The following PGBD2 variants were observed in gnomAD, a reference collection of about 807,000 sequenced individuals.
PGBD2 encodes the protein piggyBac transposable element derived 2, also known as piggyBac transposable element-derived protein 2.
A neutral mutation model predicts 8.1 loss-of-function variants in PGBD2; 6 were observed. The observed-to-expected ratio is 0.74, with a 90% CI of 0.40 to 1.46. The LOEUF (loss-of-function observed/expected upper bound fraction) is 1.46, where lower values mean the gene tolerates loss of function less well. Among genes scored for constraint, PGBD2 ranks in the 40% most tolerant of loss-of-function variants. The probability of loss-of-function intolerance (pLI) is 0.02; values close to 1 mark genes in which losing one functional copy is unlikely to be tolerated. For synonymous variants in PGBD2, 318 were observed against 272.2 expected, an observed-to-expected ratio of 1.17 and a Z score of -1.66; for missense variants, 802 against 739.0, an observed-to-expected ratio of 1.09 and a Z score of -0.99.
At chr1:248,891,004 C>A in the PGBD2 span, among the ~76,000 whole-genome samples, 1 of 151,756 alleles carries the variant, frequency 6.6e-6, no homozygotes, top group African/African-American at 2.4e-5. Context: ...CATTCACCAC[C>A]CACCACACAC....
At chr1:248,878,317 C>A in the PGBD2 span, among the ~76,000 whole-genome samples, 1 of 152,046 alleles carries the variant, frequency 6.6e-6, no homozygotes, top group Non-Finnish European at 1.5e-5. Context: ...GTAGCTGGGA[C>A]TACGGGGCCC....
At chr1:248,905,157 T>C (rs1345592870), upstream of PGBD2, among the ~76,000 whole-genome samples, 12 of 152,214 alleles carry the variant, frequency 7.9e-5, no homozygotes, top group Non-Finnish European at 1.5e-5. Flanking sequence ...ATACGTGCCC[T>C]TCACTTCAGA....
Position 248,906,255 on chromosome 1 carries a change from G to C in PGBD2, c.-135G>C, listed in dbSNP as rs1226093635. ...GTGCCGGACGTTGCGCGGCCGCGAC[G>C]CCCGACGCCAACGCAGGCGCAGCGC... On this transcript the variant is annotated 5_prime_UTR_variant, in exon 1 of 3. Transcript: ENST00000329291. The C allele has an allele frequency of 6.6e-6, 1 of 151,962 alleles. No individual in the cohort carries two copies. Among genetic ancestry groups the C allele is most frequent in the Non-Finnish European group, 1.5e-5 (1 of 68,012 alleles). The allele number at this position is 151,962 out of a possible 1,614,324, so 9.4% of individuals were successfully genotyped here.
intron 2 of PGBD2, 128 bp from the exon 3 acceptor site, chr1:248,916,474 C>G: frequency 1.4e-6 from 1 of 720,914 alleles, no homozygotes. Flanking sequence ...AATGCGGTGC[C>G]TTGTGATGCC....
chr1:248,922,216 T>C (rs11205397), downstream of PGBD2, among the ~76,000 whole-genome samples: 17,627 of 151,982 alleles, frequency 0.12, 2,228 homozygotes, highest in African/African-American at 0.32. Flanking sequence ...CCCGCCACCA[T>C]GCCCAGCTAG....
chr1:248,891,122 T>C, the PGBD2 span, among the ~76,000 whole-genome samples: 1 of 152,238 alleles, frequency 6.6e-6, no homozygotes, highest in African/African-American at 2.4e-5. Context: ...GAAAAAAAGT[T>C]ATGCAAACAA....
rs1351533895 is a variant in PGBD2 at position 248,906,258 on chromosome 1, C to G, written c.-132C>G. 2 of 151,310 alleles carry G rather than the reference C, an allele frequency of 1.3e-5. No individual in the cohort carries two copies. Among genetic ancestry groups the G allele is most frequent in the Non-Finnish European group, 2.9e-5 (2 of 67,906 alleles). 9.4% of individuals were successfully genotyped at this position (151,310 alleles called of 1,614,324 possible). A position where few individuals can be genotyped will look rare whatever the true frequency, so the allele number is the denominator to read the frequency against. ...CCGGACGTTGCGCGGCCGCGACGCC[C>G]GACGCCAACGCAGGCGCAGCGCTCC... On this transcript the variant is annotated 5_prime_UTR_variant, in exon 1 of 3. Coordinates refer to ENST00000329291, the MANE Select transcript of PGBD2 (RefSeq NM_170725.3).
chr1:248,883,588 T>TC, the PGBD2 span, among the ~76,000 whole-genome samples: 71 of 134,340 alleles, frequency 5.3e-4, no homozygotes, highest in African/African-American at 1.9e-3. Flanking sequence ...TTTTTTCTTT[T>TC]TTTTTTTTTT....
chr1:248,897,315 C>G, the PGBD2 span, among the ~76,000 whole-genome samples: 1 of 140,792 alleles, frequency 7.1e-6, no homozygotes, highest in South Asian at 2.1e-4. Flanking sequence ...TGTGAGGTCC[C>G]GTGCCAGCCG....
rs1362907209 is a variant in PGBD2, at chr1:248,917,763, GAA to G, written c.1180_1181del (p.Lys394GlufsTer5). ...LKDPKELKKM[K>X]RGSFDYKVDE... ...AAGACCCCAAAGAACTGAAAAAAAT[GAA>G]GAGGGGTTCATTTGATTACAAAGTC... On this transcript the variant is annotated frameshift_variant, in exon 3 of 3. Coordinates refer to ENST00000329291, the MANE Select transcript of PGBD2 (RefSeq NM_170725.3). LOFTEE classifies it low-confidence loss of function (END_TRUNC). The G allele has an allele frequency of 6.2e-7, 1 of 1,614,098 alleles. No homozygotes were observed. The highest frequency in any genetic ancestry group is 8.5e-7 in the Non-Finnish European group (1 of 1,180,042).
chr1:248,921,510 C>T (rs1302343805), downstream of PGBD2, among the ~76,000 whole-genome samples: 1 of 152,128 alleles, frequency 6.6e-6, no homozygotes, highest in Non-Finnish European at 1.5e-5. Context: ...GTTTTGGTAC[C>T]AGTACCATGC....
At chr1:248,904,319 C>T (rs1489964694), upstream of PGBD2, among the ~76,000 whole-genome samples, 1 of 151,788 alleles carries the variant, frequency 6.6e-6, no homozygotes, top group East Asian at 1.9e-4. Flanking sequence ...AGTTCTTCTG[C>T]CATTCTACCC....
chr1:248,924,886 A>G (rs1195388955), downstream of PGBD2, among the ~76,000 whole-genome samples: 1 of 152,186 alleles, frequency 6.6e-6, no homozygotes, highest in East Asian at 1.9e-4. Context: ...CCACACAAAT[A>G]TAAATGGGTG....
chr1:248,900,572 A>C, the PGBD2 span, among the ~76,000 whole-genome samples: 1 of 152,186 alleles, frequency 6.6e-6, no homozygotes, highest in East Asian at 1.9e-4. Flanking sequence ...TCAATAAACT[A>C]AGTATTGAAG....
chr1:248,906,992 A>G (rs1250236809), intron 1 of PGBD2, among the ~76,000 whole-genome samples: 1 of 152,096 alleles, frequency 6.6e-6, no homozygotes, highest in East Asian at 1.9e-4. Context: ...GAAATAAGAC[A>G]CAGAGACAAA....
At chr1:248,922,835 G>T (rs1395150100), downstream of PGBD2, among the ~76,000 whole-genome samples, 2 of 152,160 alleles carry the variant, frequency 1.3e-5, no homozygotes, top group Non-Finnish European at 2.9e-5. Context: ...TAAACTTTCT[G>T]ATGTGCTGCT....
At chr1:248,875,324 A>AAAAAAAAAAAAAAAAAAAAAAG in the PGBD2 span, among the ~76,000 whole-genome samples, 1 of 149,354 alleles carries the variant, frequency 6.7e-6, no homozygotes, top group African/African-American at 2.5e-5. Flanking sequence ...AAAAAAAAAA[A>AAAAAAAAAAAAAAAAAAAAAAG]AAAAGAAAAG....
the PGBD2 span, among the ~76,000 whole-genome samples, chr1:248,925,337 A>C: frequency 6.6e-6 from 1 of 152,214 alleles, no homozygotes; most frequent in Non-Finnish European, 1.5e-5. Flanking sequence ...AGTGGGGCCC[A>C]GGCAGGGGAA....
intron 1 of PGBD2, among the ~76,000 whole-genome samples, chr1:248,907,882 G>A (rs1386825092): frequency 6.6e-6 from 1 of 152,166 alleles, no homozygotes; most frequent in Non-Finnish European, 1.5e-5. Context: ...CACAGTAGCA[G>A]TCTGACTTCT....
Sources: gnomAD v4.1 joint callset for allele counts (sites outside exome capture counted in the v4.1 genomes callset) on GRCh38, gnomAD v4.1.1 for gene constraint, MANE v1.5 for transcripts, NCBI Gene and HGNC (gene_info 2026-07-23, HGNC 2026-07-21) for gene names.